The following SETD2 variants were observed in gnomAD, a reference collection of about 807,000 sequenced individuals.
The protein encoded by SETD2 is histone-lysine N-methyltransferase SETD2.
SETD2 carries 31 observed loss-of-function variants against 242.1 expected under a neutral mutation model. That is an observed-to-expected ratio of 0.13 (90% confidence interval 0.10 to 0.17). SETD2 has a LOEUF of 0.17. Ranked by LOEUF, SETD2 falls within the 10% of genes least tolerant of loss-of-function variation. The pLI is 1.00. For missense variants in SETD2, 2,481 were observed against 3,046.3 expected (o/e 0.81, Z 4.37); for synonymous variants, 1,006 against 1,066.5 (o/e 0.94, Z 1.11).
intron 14 of SETD2, among the ~76,000 whole-genome samples, chr3:47,059,210 G>A (rs1025023651): frequency 2.7e-5 from 4 of 147,026 alleles, no homozygotes; most frequent in Non-Finnish European, 4.5e-5. Flanking sequence ...TCCACCTCCC[G>A]GGTTCAAGTG....
intron 15 of SETD2, among the ~76,000 whole-genome samples, chr3:47,050,723 C>CTCTTTTTTT (rs1553682525): frequency 3.1e-4 from 21 of 66,882 alleles, no homozygotes; most frequent in East Asian, 1.6e-3. Context: ...TTTCCTCTCT[C>CTCTTTTTTT]TTTTTTTTTT....
At chr3:47,030,340 T>C (rs557043842) in intron 18 of SETD2, among the ~76,000 whole-genome samples, 30 of 152,042 alleles carry the variant, frequency 2.0e-4, no homozygotes, top group Non-Finnish European at 3.8e-4. Context: ...CAGCAGAAGG[T>C]AAATCAGTGA....
rs138090069 is a variant in SETD2, at chr3:47,100,060, A to T, written c.5015+1398T>A. Among the ~76,000 whole-genome samples the T allele has an allele frequency of 2.2e-3, 333 of 148,616 alleles. 1 individual carries two copies. Among genetic ancestry groups the T allele is most frequent in the African/African-American group, 7.7e-3 (308 of 40,068 alleles). On this transcript the variant is annotated intron_variant, in intron 8 of 20. Transcript: ENST00000409792. ...CGATCTCAAGTGATTCTCCTGCCTC[A>T]GCCTCCGGAGTAGCTAGGATTACAG...
upstream of SETD2, among the ~76,000 whole-genome samples, chr3:47,164,804 A>C (rs949013776): frequency 1.3e-5 from 2 of 151,394 alleles, no homozygotes; most frequent in African/African-American, 4.9e-5. This position sits in a 1 kb window ranked among gnomAD's most constrained non-coding sequence, Gnocchi z 5.4. Flanking sequence ...TCCTACCTCC[A>C]CCTCGGCGCG....
Position 47,057,144 on chromosome 3 carries a change from T to C in SETD2, c.6640A>G (p.Thr2214Ala). Residue 2214 changes from threonine to alanine, a missense_variant, in exon 15 of 21, where the codon ACA (threonine) becomes GCA (alanine). This residue lies in a region of SETD2 where 235 missense variants were observed against 293.9 expected (regional missense o/e 0.80). Transcript: ENST00000409792. ...GGTGGAGGGGCAGAAAGGGGTTCTGTAGAATGTCCCACCAAGGGCTGAGCA... is the reference window on the plus strand; with the variant it reads ...GGTGGAGGGGCAGAAAGGGGTTCTGCAGAATGTCCCACCAAGGGCTGAGCA... ...DHAQPLVGHSTEPLSAPPPVP... is the reference protein window; with the variant it reads ...DHAQPLVGHSAEPLSAPPPVP... 6.2e-7 allele frequency: 1 copy of C among 1,614,048 alleles called. No homozygotes were observed.
intron 12 of SETD2, among the ~76,000 whole-genome samples, chr3:47,078,518 CCT>C: frequency 8.0e-6 from 1 of 125,390 alleles, no homozygotes; most frequent in Non-Finnish European, 1.6e-5. Context: ...AGATTCTCAG[CCT>C]TTTTTTTTTT....
intron 18 of SETD2, among the ~76,000 whole-genome samples, chr3:47,032,332 C>T (rs912605953): frequency 2.0e-5 from 3 of 151,398 alleles, no homozygotes; most frequent in Non-Finnish European, 4.4e-5. Flanking sequence ...GTCACCAACA[C>T]CACCAGACCC....
At chr3:47,100,796 G>A (rs931037720) in intron 8 of SETD2, among the ~76,000 whole-genome samples, 23 of 151,466 alleles carry the variant, frequency 1.5e-4, no homozygotes. Flanking sequence ...GGATCACAAG[G>A]TCAGGAGATC....
Position 47,123,946 on chromosome 3 carries a change from T to C in SETD2, c.690A>G (p.Pro230=). ...TCAGAGATCTAACTGCTACATCTAC[T>C]GGTAAGGGTACTGGTGCTGCCATTA... ...TVLMAAPVPL[P]VDVAVRSLKE... Residue 230 remains proline (P), a synonymous_variant, in exon 3 of 21, where the codon CCA becomes CCG. Transcript: ENST00000409792. The C allele has an allele frequency of 6.4e-7, 1 of 1,551,572 alleles. No individual in the cohort carries two copies. The highest frequency in any genetic ancestry group is 8.7e-7 in the Non-Finnish European group (1 of 1,146,404).
chr3:47,019,711 T>C (rs2038134857), intron 19 of SETD2, 49 bp downstream of exon 19: 2 of 1,469,994 alleles, frequency 1.4e-6, no homozygotes, highest in Non-Finnish European at 1.9e-6. Flanking sequence ...AATGAAAGGG[T>C]TCAGATTTAA....
chr3:47,115,884 G>C (rs2042834850), intron 4 of SETD2, among the ~76,000 whole-genome samples: 1 of 152,126 alleles, frequency 6.6e-6, no homozygotes, highest in Non-Finnish European at 1.5e-5. Context: ...GGCCTCAAGT[G>C]ATCTGCCCGC....
intron 14 of SETD2, among the ~76,000 whole-genome samples, chr3:47,058,126 GAATA>G (rs1230850296): frequency 6.6e-6 from 1 of 152,080 alleles, no homozygotes; most frequent in Admixed American, 6.5e-5. Context: ...GAAAACTGAA[GAATA>G]AATAGAGTCA....
At position 47,084,233 on chromosome 3, in the gene SETD2, C is replaced by T. The variant is rs750812600; in HGVS notation, c.5547G>A (p.Ser1849=). The T allele has an allele frequency of 4.3e-5, 70 of 1,613,876 alleles. No homozygotes were observed. The highest frequency in any genetic ancestry group is 2.7e-5 in the African/African-American group (2 of 74,852). ...EGDGYSSENT[S]RAHTPLNTPD... Reference sequence around the variant, plus strand: ...GTGTGTTGAGTGGTGTATGAGCACGCGATGTATTCTCACTAGAATACCCAT... The same window carrying T: ...GTGTGTTGAGTGGTGTATGAGCACGTGATGTATTCTCACTAGAATACCCAT... Residue 1849 remains serine, a synonymous_variant, in exon 12 of 21, where the codon TCG becomes TCA. Coordinates refer to ENST00000409792, the MANE Select transcript of SETD2 (RefSeq NM_014159.7).
chr3:47,162,182 G>A (rs1348302266), intron 1 of SETD2, among the ~76,000 whole-genome samples: 2 of 152,086 alleles, frequency 1.3e-5, no homozygotes, highest in East Asian at 1.9e-4. Flanking sequence ...CAAACAACCT[G>A]GTAAAAGGAA....
At chr3:47,117,994 C>A (rs1391955890) in intron 3 of SETD2, among the ~76,000 whole-genome samples, 1 of 152,208 alleles carries the variant, frequency 6.6e-6, no homozygotes, top group African/African-American at 2.4e-5. Context: ...AACAGCATAG[C>A]TGCTCTAAAT....
intron 18 of SETD2, among the ~76,000 whole-genome samples, chr3:47,026,541 C>T (rs1026834544): frequency 6.6e-6 from 1 of 152,164 alleles, no homozygotes; most frequent in African/African-American, 2.4e-5. Flanking sequence ...ATAGCAAAGA[C>T]TTGGAACCAA....
At chr3:47,099,560 T>C (rs2042130339) in intron 8 of SETD2, among the ~76,000 whole-genome samples, 2 of 152,216 alleles carry the variant, frequency 1.3e-5, no homozygotes, top group South Asian at 4.1e-4. Flanking sequence ...TTAGGACCCA[T>C]ACCTTACTAA....
intron 1 of SETD2, among the ~76,000 whole-genome samples, chr3:47,145,011 T>C (rs1256073248): frequency 6.6e-6 from 1 of 152,102 alleles, no homozygotes; most frequent in Non-Finnish European, 1.5e-5. Context: ...TAACAGAATA[T>C]GGCTTGGAAT....
At chr3:47,108,320 T>C (rs1032276918) in intron 5 of SETD2, among the ~76,000 whole-genome samples, 1 of 152,154 alleles carries the variant, frequency 6.6e-6, no homozygotes, top group Non-Finnish European at 1.5e-5. Context: ...AACTTACTCA[T>C]TTAAGGCTTG....
Sources: allele counts gnomAD v4.1 joint callset (sites outside exome capture counted in the v4.1 genomes callset), GRCh38; gene constraint gnomAD v4.1.1; regional missense constraint gnomAD v4.1.1; non-coding constraint Gnocchi (gnomAD v3.1); transcripts MANE v1.5; gene names NCBI Gene and HGNC (gene_info 2026-07-23, HGNC 2026-07-21).